Variants in CEP63 observed in about 807,000 individuals in gnomAD.
The protein encoded by CEP63 is centrosomal protein of 63 kDa.
Under a neutral mutation model 89.1 loss-of-function variants are expected in CEP63, and 84 were observed. That is an observed-to-expected ratio of 0.94 (90% CI 0.79 to 1.13). The LOEUF is 1.13. CEP63 is among the 50% of genes most tolerant of loss of function. CEP63 has a pLI of 0.00. For synonymous variants in CEP63, 267 were observed against 272.5 expected (o/e 0.98, Z 0.20); for missense variants, 838 against 813.3 (o/e 1.03, Z -0.37).
At chr3:134,545,239 C>T (rs993700380) in intron 6 of CEP63, among the ~76,000 whole-genome samples, 9 of 152,050 alleles carry the variant, frequency 5.9e-5, no homozygotes, top group African/African-American at 1.4e-4. Flanking sequence ...CCTCATGATC[C>T]GCCCACCTCA....
the CEP63 span, among the ~76,000 whole-genome samples, chr3:134,601,682 G>T: frequency 1.3e-5 from 2 of 152,256 alleles, no homozygotes; most frequent in African/African-American, 2.4e-5. Flanking sequence ...GGAGGGCGCA[G>T]GACCTGCCCA....
At position 134,486,159 on chromosome 3, in the gene CEP63, G is replaced by T; in HGVS notation, c.-69G>T. On this transcript the variant is annotated 5_prime_UTR_variant, in exon 1 of 15. Transcript: ENST00000675561. ...ACAAACGCGCCGACTACAGAGGCTG[G>T]ACGTAAGCTTAGCGGTGGCGCGCGT... 2 of 985,622 alleles carry T rather than the reference G, an allele frequency of 2.0e-6. No individual in the cohort carries two copies. Among genetic ancestry groups the T allele is most frequent in the Non-Finnish European group, 2.4e-6 (2 of 830,050 alleles). The allele number at this position is 985,622 out of a possible 1,614,324, so 61.1% of individuals were successfully genotyped here.
At chr3:134,629,938 A>C in the CEP63 span, among the ~76,000 whole-genome samples, 4 of 152,222 alleles carry the variant, frequency 2.6e-5, no homozygotes, top group African/African-American at 9.6e-5. Context: ...ATTATAAACA[A>C]TGTACTGAAT....
the CEP63 span, among the ~76,000 whole-genome samples, chr3:134,730,444 T>C: frequency 6.6e-6 from 1 of 152,212 alleles, no homozygotes; most frequent in Non-Finnish European, 1.5e-5. Flanking sequence ...TTTGTTCATC[T>C]ATATATTAAA....
intron 6 of CEP63, among the ~76,000 whole-genome samples, chr3:134,542,717 A>G (rs896622600): frequency 6.6e-6 from 1 of 152,016 alleles, no homozygotes; most frequent in Non-Finnish European, 1.5e-5. Flanking sequence ...CCACTCCCCA[A>G]TTTCTTCTCC....
At chr3:134,514,796 AAGAC>A (rs1402273138) in intron 3 of CEP63, among the ~76,000 whole-genome samples, 2 of 152,220 alleles carry the variant, frequency 1.3e-5, no homozygotes, top group Non-Finnish European at 2.9e-5. Flanking sequence ...TTTAGGTAGA[AAGAC>A]AGTGATCCCA....
chr3:134,486,592 C>G, intron 1 of CEP63: 1 of 900,892 alleles, frequency 1.1e-6, no homozygotes, highest in Non-Finnish European at 1.3e-6. Flanking sequence ...CTCACCTTCC[C>G]CGGCGGACCC....
the CEP63 span, among the ~76,000 whole-genome samples, chr3:134,701,364 ATATACACACACATATATACG>A: frequency 2.1e-3 from 9 of 4,360 alleles, 3 homozygotes; most frequent in Admixed American, 7.6e-3. Flanking sequence ...GTATATATAC[ATATACACACACATATATACG>A]TATATATGTG....
the CEP63 span, among the ~76,000 whole-genome samples, chr3:134,723,366 C>A: frequency 6.6e-6 from 1 of 152,202 alleles, no homozygotes; most frequent in Non-Finnish European, 1.5e-5. Context: ...CCCCTGCCAT[C>A]ACCCTGAGAA....
the CEP63 span, chr3:134,606,866 G>A: frequency 1.1e-6 from 1 of 948,178 alleles, no homozygotes; most frequent in African/African-American, 1.8e-5. Flanking sequence ...GAGCCTGGCA[G>A]CTTTCCAGCC....
chr3:134,610,212 G>A, the CEP63 span: 3 of 1,613,092 alleles, frequency 1.9e-6, no homozygotes, highest in Non-Finnish European at 2.5e-6. Flanking sequence ...TGAATTTGGA[G>A]GTGATGGTGT....
chr3:134,611,477 C>T, the CEP63 span, among the ~76,000 whole-genome samples: 8 of 152,328 alleles, frequency 5.3e-5, no homozygotes, highest in East Asian at 1.5e-3. Flanking sequence ...GCTAGTCTGA[C>T]CTAGGGACAT....
At chr3:134,594,238 C>A in the CEP63 span, among the ~76,000 whole-genome samples, 1 of 152,172 alleles carries the variant, frequency 6.6e-6, no homozygotes, top group Non-Finnish European at 1.5e-5. Flanking sequence ...GCTCCCCACT[C>A]CTAATATCTG....
At chr3:134,561,167 C>T (rs1382327618) in intron 14 of CEP63, among the ~76,000 whole-genome samples, 1 of 152,136 alleles carries the variant, frequency 6.6e-6, no homozygotes, top group African/African-American at 2.4e-5. Context: ...CAATTTGGGT[C>T]AGAAACGGAG....
At chr3:134,559,457 T>C in intron 14 of CEP63, 28 bp downstream of exon 14, 1 of 1,594,714 alleles carries the variant, frequency 6.3e-7, no homozygotes, top group Non-Finnish European at 8.6e-7. Flanking sequence ...TCTTAGTAAT[T>C]TGTTAGTTTT....
At chr3:134,510,763 C>A in intron 3 of CEP63, 1 of 388,698 alleles carries the variant, frequency 2.6e-6, no homozygotes, top group Non-Finnish European at 5.0e-6. Context: ...GGAGATTCCT[C>A]TGCCTCTGGT....
chr3:134,488,799 C>G (rs1936602473), intron 1 of CEP63, among the ~76,000 whole-genome samples: 2 of 152,138 alleles, frequency 1.3e-5, no homozygotes, highest in African/African-American at 4.8e-5. Flanking sequence ...TGTAGAATTG[C>G]ACTGTCCGGT....
chr3:134,752,951 A>G, the CEP63 span, among the ~76,000 whole-genome samples: 4 of 152,024 alleles, frequency 2.6e-5, no homozygotes, highest in African/African-American at 9.7e-5. Flanking sequence ...CGGGCATGAT[A>G]TGGGTCTGGT....
chr3:134,760,305 C>T, the CEP63 span, among the ~76,000 whole-genome samples: 4 of 151,998 alleles, frequency 2.6e-5, no homozygotes, highest in South Asian at 2.1e-4. Flanking sequence ...GTGATCCGCC[C>T]GCCTCGGCCT....
Sources: allele counts gnomAD v4.1 joint callset (sites outside exome capture counted in the v4.1 genomes callset), GRCh38; gene constraint gnomAD v4.1.1; transcripts MANE v1.5; gene names NCBI Gene and HGNC (gene_info 2026-07-23, HGNC 2026-07-21).